Variants in CHAT observed in about 807,000 individuals in gnomAD.
CHAT encodes the protein choline O-acetyltransferase, also known as acetyl CoA:choline O-acetyltransferase.
CHAT carries 61 observed loss-of-function variants against 76.9 expected under a neutral mutation model. The observed-to-expected ratio is 0.79, with a 90% confidence interval of 0.65 to 0.98. The LOEUF is 0.98. Ranked by LOEUF, CHAT falls within the 50% of genes least tolerant of loss-of-function variation. The pLI is 0.00. For missense variants in CHAT, 946 were observed against 986.9 expected, an observed-to-expected ratio of 0.96 and a Z score of 0.56; for synonymous variants, 407 against 397.4, an observed-to-expected ratio of 1.02 and a Z score of -0.29.
chr10:49,636,070 A>G (rs1839284382), intron 7 of CHAT, among the ~76,000 whole-genome samples: 1 of 152,218 alleles, frequency 6.6e-6, no homozygotes. Context: ...TGAATTCAGC[A>G]AGGTTGCAAT....
At position 49,656,891 on chromosome 10, in the gene CHAT, T is replaced by A. The variant is rs544604412; in HGVS notation, c.1839+1443T>A. On this transcript the variant is annotated intron_variant, in intron 13 of 14. Coordinates refer to ENST00000337653, the MANE Select transcript of CHAT (RefSeq NM_020549.5). ...TGAAGGGGAAGTCGTAAACTCCTCCTCTTGGTGGAAGAAACTCTTCGCGCA... is the reference window on the plus strand; with the variant it reads ...TGAAGGGGAAGTCGTAAACTCCTCCACTTGGTGGAAGAAACTCTTCGCGCA... Among the ~76,000 whole-genome samples the A allele has an allele frequency of 1.1e-4, 16 of 152,080 alleles. 1 individual carries two copies. The South Asian group carries it at 3.1e-3, about 30-fold the overall frequency.
rs566143760 is a variant in CHAT at position 49,657,045 on chromosome 10, A to C, written c.1839+1597A>C. 4.6e-5 allele frequency among the ~76,000 whole-genome samples: 7 copies of C among 152,334 alleles called. 1 individual carries two copies. The East Asian group carries it at 1.3e-3, about 29-fold the overall frequency. ...GAAAGGAGTGGCAGCAACATGTTAGAGCTGGAAAGTAGAACACATGGCGAC... is the reference window on the plus strand; with the variant it reads ...GAAAGGAGTGGCAGCAACATGTTAGCGCTGGAAAGTAGAACACATGGCGAC... On this transcript the variant is annotated intron_variant, in intron 13 of 14. Transcript: ENST00000337653.
chr10:49,665,163 TCA>T lies in CHAT; in HGVS notation c.*120_*121del. The T allele has an allele frequency of 9.1e-7, 1 of 1,098,338 alleles. No individual in the cohort carries two copies. Among genetic ancestry groups the T allele is most frequent in the South Asian group, 1.3e-5 (1 of 79,452 alleles). The allele number at this position is 1,098,338 out of a possible 1,614,324, so 68.0% of individuals were successfully genotyped here. On this transcript the variant is annotated 3_prime_UTR_variant, in exon 15 of 15. Transcript: ENST00000337653. ...CAGCTCCCTGTCCTCAGGGTCCAAC[TCA>T]CAGACCATACAGAGACATCACACAG... is the stretch of plus-strand genomic sequence containing the variant.
In CHAT at chr10:49,646,524, G is replaced by A. The variant is rs115126024; in HGVS notation, c.1131G>A (p.Ser377=). The change falls in exon 8 of 15, where the codon TCG becomes TCA. Residue 377 remains serine (S), a synonymous_variant. Transcript: ENST00000337653. ...VLVKDSTNRD[S]LDMIERCICL... ...CTGCAGACTCCACCAACCGGGACTC[G>A]CTGGACATGATTGAGCGCTGCATCT... 3.7e-3 allele frequency: 5,992 copies of A among 1,614,172 alleles called. 184 individuals carry two copies. In the African/African-American group the frequency reaches 0.066, roughly 18 times the overall value.
chr10:49,648,740 CA>C, intron 9 of CHAT, 133 bp downstream of exon 9: 1 of 663,928 alleles, frequency 1.5e-6, no homozygotes, highest in Middle Eastern at 3.7e-4. Flanking sequence ...CACACACACA[CA>C]CACACACACA....
intron 5 of CHAT, 118 bp downstream of exon 5, chr10:49,622,268 C>A: frequency 9.0e-7 from 1 of 1,109,562 alleles, no homozygotes; most frequent in Non-Finnish European, 1.4e-6. Context: ...TGGCACAGAG[C>A]AGATGTCCCT....
chr10:49,632,851 G>C (rs1009981077), intron 7 of CHAT, among the ~76,000 whole-genome samples: 2 of 152,314 alleles, frequency 1.3e-5, no homozygotes, highest in African/African-American at 4.8e-5. Flanking sequence ...GGGACTGCCA[G>C]GGTGGCACAG....
Position 49,662,839 on chromosome 10 carries a change from A to T in CHAT, c.1977+57A>T, listed in dbSNP as rs145969379. ...AGTGTAGTCAGTAAGCTTTCTAAAG[A>T]GCAGTGACAACAAGCCCACTAGCTG... On this transcript the variant is annotated intron_variant, in intron 14 of 14. Coordinates refer to ENST00000337653, the MANE Select transcript of CHAT (RefSeq NM_020549.5). 1.8e-4 allele frequency: 282 copies of T among 1,610,088 alleles called. 1 individual carries two copies. The East Asian group carries it at 6.1e-3, about 35-fold the overall frequency.
intron 13 of CHAT, among the ~76,000 whole-genome samples, 162 bp downstream of exon 13, chr10:49,655,610 A>G (rs1425346081): frequency 6.6e-6 from 1 of 152,244 alleles, no homozygotes; most frequent in East Asian, 1.9e-4. Flanking sequence ...TCTTCGTTTT[A>G]GAACCTAAGT....
rs560224091 is a variant in CHAT, at chr10:49,666,422, G to T, written c.*1376G>T. Among the ~76,000 whole-genome samples, 1 of 152,348 alleles carries T rather than the reference G, an allele frequency of 6.6e-6. No homozygotes were observed. The highest frequency in any genetic ancestry group is 1.9e-4 in the East Asian group (1 of 5,184). On this transcript the variant is annotated 3_prime_UTR_variant, in exon 15 of 15. Coordinates refer to ENST00000337653, the MANE Select transcript of CHAT (RefSeq NM_020549.5). ...TTATGGGAAGTCTAAAGGGCAGAGG[G>T]AGGGAGTAAGAAAGCAACCAGAGAA...
At chr10:49,626,682 T>A (rs1267529608) in intron 6 of CHAT, among the ~76,000 whole-genome samples, 2 of 152,192 alleles carry the variant, frequency 1.3e-5, no homozygotes, top group Non-Finnish European at 2.9e-5. Flanking sequence ...CTTCCAGACA[T>A]GCTCTGGGCC....
upstream of CHAT, chr10:49,610,716 C>T (rs1880675): frequency 0.97 from 1,430,483 of 1,471,956 alleles, 698,484 homozygotes; most frequent in Non-Finnish European, 0.99. Flanking sequence ...CGGAGGCGTC[C>T]TCGGAAGAGC....
At chr10:49,610,765 C>G (rs1272333728), upstream of CHAT, 1 of 1,550,758 alleles carries the variant, frequency 6.4e-7, no homozygotes, top group Non-Finnish European at 8.7e-7. Context: ...ACCTGCGGGC[C>G]AGGCCCGGGC....
At chr10:49,612,096 C>T (rs1838314782), upstream of CHAT, 1 of 1,613,118 alleles carries the variant, frequency 6.2e-7, no homozygotes. Context: ...AGCAGCTCAG[C>T]CTTGGCATGG....
Position 49,623,015 on chromosome 10 carries a change from A to G in CHAT, c.752+865A>G, listed in dbSNP as rs181196743. Among the ~76,000 whole-genome samples, 3 of 152,270 alleles carry G rather than the reference A, an allele frequency of 2.0e-5. No individual in the cohort carries two copies. In the East Asian group the frequency reaches 5.8e-4, roughly 29 times the overall value. On this transcript the variant is annotated intron_variant, in intron 5 of 14. Transcript: ENST00000337653. ...GGGCAGGCAGAGCTCCCAGACTGTC[A>G]GGGTGGAGCAGTTCAGGCTGTCCAG...
At chr10:49,649,772 T>A in intron 10 of CHAT, 136 bp downstream of exon 10, 1 of 865,912 alleles carries the variant, frequency 1.2e-6, no homozygotes, top group Non-Finnish European at 1.9e-6. Context: ...CTCGTCCCCA[T>A]CCCTCATGTA....
rs1839673537 is a variant in CHAT at position 49,646,561 on chromosome 10, C to T, written c.1168C>T (p.Leu390=). ...TGAGCGCTGCATCTGCCTTGTATGCCTGGACGCGCCAGGAGGCGTGGAGCT... is the reference window on the plus strand; with the variant it reads ...TGAGCGCTGCATCTGCCTTGTATGCTTGGACGCGCCAGGAGGCGTGGAGCT... ...MIERCICLVC[L]DAPGGVELSD... The change falls in exon 8 of 15, where the codon CTG becomes TTG. Residue 390 remains leucine (L), a synonymous_variant. Coordinates refer to ENST00000337653, the MANE Select transcript of CHAT (RefSeq NM_020549.5). 1 of 1,614,130 alleles carries T rather than the reference C, an allele frequency of 6.2e-7. No individual in the cohort carries two copies. Among genetic ancestry groups the T allele is most frequent in the Non-Finnish European group, 8.5e-7 (1 of 1,180,046 alleles).
chr10:49,659,634 G>T (rs1331265711), intron 13 of CHAT, among the ~76,000 whole-genome samples: 1 of 152,128 alleles, frequency 6.6e-6, no homozygotes, highest in African/African-American at 2.4e-5. Flanking sequence ...GGCCGAGGTG[G>T]GTGGATCACC....
At chr10:49,654,950 G>T in intron 11 of CHAT, 145 bp from the exon 12 acceptor site, 1 of 931,274 alleles carries the variant, frequency 1.1e-6, no homozygotes, top group Non-Finnish European at 1.7e-6. Flanking sequence ...ATTCCCTCTA[G>T]AATTCTATTA....
Sources: gnomAD v4.1 joint callset for allele counts (sites outside exome capture counted in the v4.1 genomes callset) on GRCh38, gnomAD v4.1.1 for gene constraint, MANE v1.5 for transcripts, NCBI Gene and HGNC (gene_info 2026-07-23, HGNC 2026-07-21) for gene names.